Variants in TBC1D22A observed in about 807,000 individuals in gnomAD.
TBC1D22A encodes TBC1 domain family member 22A.
Under a neutral mutation model 60.2 loss-of-function variants are expected in TBC1D22A, and 38 were observed. The observed-to-expected ratio is 0.63, with a 90% CI of 0.49 to 0.83. The LOEUF (loss-of-function observed/expected upper bound fraction) is 0.83. Ranked by LOEUF, TBC1D22A falls within the 40% of genes least tolerant of loss-of-function variation. The pLI, the probability that TBC1D22A is intolerant of heterozygous loss-of-function variation, is 0.00. For missense variants in TBC1D22A, 628 were observed against 701.0 expected, an observed-to-expected ratio of 0.90 and a Z score of 1.18; for synonymous variants, 302 against 281.7, an observed-to-expected ratio of 1.07 and a Z score of -0.72.
intron 10 of TBC1D22A, among the ~76,000 whole-genome samples, chr22:47,000,086 C>T (rs2075261889): frequency 6.6e-6 from 1 of 152,276 alleles, no homozygotes; most frequent in Non-Finnish European, 1.5e-5. Flanking sequence ...GCATTTATTT[C>T]AGAAAATTTT....
At chr22:47,106,775 C>A (rs1471027799) in intron 11 of TBC1D22A, among the ~76,000 whole-genome samples, 1 of 152,116 alleles carries the variant, frequency 6.6e-6, no homozygotes, top group Non-Finnish European at 1.5e-5. Context: ...CCATTTATAA[C>A]TTTCGGAGGC....
intron 8 of TBC1D22A, among the ~76,000 whole-genome samples, chr22:46,932,273 G>A (rs1352659335): frequency 1.3e-5 from 2 of 152,186 alleles, no homozygotes; most frequent in African/African-American, 2.4e-5. Context: ...CAGGTTGCCC[G>A]TCAAGGCCGT....
At chr22:47,137,790 T>C (rs1361840388) in intron 12 of TBC1D22A, among the ~76,000 whole-genome samples, 1 of 150,470 alleles carries the variant, frequency 6.6e-6, no homozygotes, top group African/African-American at 2.5e-5. Context: ...GAGTGAGGAG[T>C]GTGGGGTCCC....
At chr22:46,789,292 AT>A in intron 1 of TBC1D22A, 1 of 380,970 alleles carries the variant, frequency 2.6e-6, no homozygotes, top group Admixed American at 3.1e-5. Context: ...AGCCCGGCTA[AT>A]TTTTTGTATT....
chr22:47,052,176 G>T (rs2063247142), intron 11 of TBC1D22A, among the ~76,000 whole-genome samples: 1 of 152,258 alleles, frequency 6.6e-6, no homozygotes, highest in Non-Finnish European at 1.5e-5. Flanking sequence ...TGGAGTTAGA[G>T]TGGGATGTTT....
rs561998347 is a variant in TBC1D22A at position 46,986,930 on chromosome 22, C to T, written c.1126-10704C>T. On this transcript the variant is annotated intron_variant, in intron 9 of 12. Coordinates refer to ENST00000337137, the MANE Select transcript of TBC1D22A (RefSeq NM_014346.5). ...TGGTGGCTGGAAGCATCTAGACTCC[C>T]GTTCATTTAAGAGCCTGGCGCCCTG... 4.6e-5 allele frequency among the ~76,000 whole-genome samples: 7 copies of T among 152,258 alleles called. No individual in the cohort carries two copies. The South Asian group carries it at 8.3e-4, about 18-fold the overall frequency.
intron 7 of TBC1D22A, among the ~76,000 whole-genome samples, chr22:46,902,023 G>A (rs139615967): frequency 3.3e-5 from 5 of 152,320 alleles, no homozygotes; most frequent in East Asian, 1.9e-4. Context: ...GAGCTCCCTC[G>A]TGTGCACTGA....
At chr22:47,044,821 A>G (rs2062976714) in intron 11 of TBC1D22A, among the ~76,000 whole-genome samples, 1 of 152,220 alleles carries the variant, frequency 6.6e-6, no homozygotes, top group Non-Finnish European at 1.5e-5. Flanking sequence ...ATTTAAAGAC[A>G]TGTCTGGAAA....
In TBC1D22A at chr22:46,910,863, G is replaced by C. The variant is rs142986215; in HGVS notation, c.901-1211G>C. On this transcript the variant is annotated intron_variant, in intron 7 of 12. Coordinates refer to ENST00000337137, the MANE Select transcript of TBC1D22A (RefSeq NM_014346.5). Reference sequence around the variant, plus strand: ...GGGGATCGAGACCCAGGGTGCGGGCGTGGCAGGCTTTCCAGGCAGCGGTAG... The same window carrying C: ...GGGGATCGAGACCCAGGGTGCGGGCCTGGCAGGCTTTCCAGGCAGCGGTAG... Among the ~76,000 whole-genome samples, 122 of 149,446 alleles carry C rather than the reference G, an allele frequency of 8.2e-4. 1 individual carries two copies. The East Asian group carries it at 0.02, about 24-fold the overall frequency.
intron 9 of TBC1D22A, among the ~76,000 whole-genome samples, chr22:46,977,345 T>A (rs1274083487): frequency 6.6e-6 from 1 of 152,032 alleles, no homozygotes; most frequent in Non-Finnish European, 1.5e-5. Context: ...TTGGCCGAGA[T>A]GTATGAAGCA....
At chr22:47,148,274 C>T (rs1268668410) in intron 12 of TBC1D22A, among the ~76,000 whole-genome samples, 1 of 151,504 alleles carries the variant, frequency 6.6e-6, no homozygotes, top group African/African-American at 2.4e-5. Context: ...GAGAGAGGCA[C>T]CTCCCAACAC....
At chr22:47,001,305 T>C (rs966833851) in intron 10 of TBC1D22A, among the ~76,000 whole-genome samples, 12 of 148,360 alleles carry the variant, frequency 8.1e-5, no homozygotes, top group East Asian at 1.9e-4. Flanking sequence ...CTTTCTTTTT[T>C]TTTTTTTTTT....
intron 11 of TBC1D22A, among the ~76,000 whole-genome samples, chr22:47,047,776 G>A (rs112427131): frequency 6.6e-5 from 10 of 152,232 alleles, no homozygotes; most frequent in African/African-American, 1.9e-4. Context: ...AGAGCCTGTC[G>A]GGTGCCCTGG....
chr22:47,161,920 G>A (rs2147206946), intron 12 of TBC1D22A, among the ~76,000 whole-genome samples: 1 of 152,344 alleles, frequency 6.6e-6, no homozygotes, highest in East Asian at 1.9e-4. Flanking sequence ...ATTTTTCGGG[G>A]TGGTAGCAAG....
intron 1 of TBC1D22A, chr22:46,763,210 C>G (rs906779348): frequency 1.2e-5 from 3 of 254,512 alleles, no homozygotes; most frequent in Non-Finnish European, 2.3e-5. Flanking sequence ...CTGAGGCCCC[C>G]CGTCTGCTGG....
chr22:46,992,959 T>A (rs1050132272), intron 9 of TBC1D22A, among the ~76,000 whole-genome samples: 1 of 152,134 alleles, frequency 6.6e-6, no homozygotes, highest in African/African-American at 2.4e-5. Flanking sequence ...GGAAGGCACA[T>A]TTGGTTTCAA....
At chr22:46,946,396 T>A (rs1210162351) in intron 8 of TBC1D22A, among the ~76,000 whole-genome samples, 2 of 152,110 alleles carry the variant, frequency 1.3e-5, no homozygotes. Context: ...TGCTCCCTGC[T>A]CCCCCTTGTT....
At chr22:46,975,234 G>A (rs143588537) in intron 9 of TBC1D22A, among the ~76,000 whole-genome samples, 23 of 152,246 alleles carry the variant, frequency 1.5e-4, no homozygotes, top group African/African-American at 5.3e-4. Flanking sequence ...GGCGAGTAAG[G>A]GTGAGGCCTG....
intron 11 of TBC1D22A, among the ~76,000 whole-genome samples, chr22:47,105,646 C>T (rs868244155): frequency 7.2e-5 from 11 of 152,314 alleles, no homozygotes; most frequent in South Asian, 6.2e-4. Flanking sequence ...GGGGAGCCCC[C>T]GTTCATGTTA....
Sources: gnomAD v4.1 joint callset for allele counts (sites outside exome capture counted in the v4.1 genomes callset) on GRCh38, gnomAD v4.1.1 for gene constraint, MANE v1.5 for transcripts, NCBI Gene and HGNC (gene_info 2026-07-23, HGNC 2026-07-21) for gene names.